Variants in HDAC7 observed in about 807,000 individuals in gnomAD.
The protein encoded by HDAC7 is histone deacetylase 7A.
A neutral mutation model predicts 115.5 loss-of-function variants in HDAC7; 26 were observed. That is an observed-to-expected ratio of 0.23 (90% CI 0.16 to 0.31). HDAC7 has a LOEUF of 0.31. Ranked by LOEUF, HDAC7 falls within the 10% of genes least tolerant of loss-of-function variation. HDAC7 has a pLI of 1.00. For synonymous variants in HDAC7, 564 were observed against 550.9 expected, an observed-to-expected ratio of 1.02 and a Z score of -0.33; for missense variants, 1,068 against 1,329.0, an observed-to-expected ratio of 0.80 and a Z score of 3.05.
At position 47,798,719 on chromosome 12, in the gene HDAC7, G is replaced by A. The variant is rs1316572534; in HGVS notation, c.258+66C>T. On this transcript the variant is annotated intron_variant, in intron 3 of 25. Coordinates refer to ENST00000080059, the MANE Select transcript of HDAC7 (RefSeq NM_015401.5). This position sits in a 1 kb window ranked among gnomAD's most constrained non-coding sequence, Gnocchi z 4.3. ...AGGACTGAGACTGGTGTCTAGGGAT[G>A]CTGAAGGCGGGGAGGCTGGGGACCA... 6.4e-7 allele frequency: 1 copy of A among 1,564,604 alleles called. No homozygotes were observed. Among genetic ancestry groups the A allele is most frequent in the Non-Finnish European group, 8.7e-7 (1 of 1,152,946 alleles).
intron 16 of HDAC7, chr12:47,790,314 T>G (rs1173334026): frequency 4.6e-6 from 1 of 215,498 alleles, no homozygotes; most frequent in Non-Finnish European, 9.7e-6. Flanking sequence ...ACCACTGTCT[T>G]CCACTCAGGG....
chr12:47,815,893 ATTTTTTT>A (rs34394540), intron 1 of HDAC7, among the ~76,000 whole-genome samples: 1 of 118,294 alleles, frequency 8.5e-6, no homozygotes, highest in African/African-American at 3.3e-5. Flanking sequence ...TCCAGCCAGG[ATTTTTTT>A]TTTTTTTTTT....
chr12:47,807,176 G>A (rs1944442247), intron 1 of HDAC7, among the ~76,000 whole-genome samples: 1 of 152,146 alleles, frequency 6.6e-6, no homozygotes, highest in African/African-American at 2.4e-5. Flanking sequence ...CTGTCCTCAG[G>A]TGATTTGCCT....
rs184397565 is a variant in HDAC7 at position 47,790,500 on chromosome 12, A to C, written c.1984-580T>G. On this transcript the variant is annotated intron_variant, in intron 16 of 25. Coordinates refer to ENST00000080059, the MANE Select transcript of HDAC7 (RefSeq NM_015401.5). ...GAGAGAGAGAGAAAGACAGAGAGGGAGAGGAGGGAGGAGAAAACAGAAGCA... is the reference window on the plus strand; with the variant it reads ...GAGAGAGAGAGAAAGACAGAGAGGGCGAGGAGGGAGGAGAAAACAGAAGCA... The C allele has an allele frequency of 1.5e-3, 236 of 156,380 alleles. 2 individuals carry two copies. The highest frequency in any genetic ancestry group is 5.1e-3 in the African/African-American group (213 of 41,576). The allele number at this position is 156,380 out of a possible 1,614,324, so 9.7% of individuals were successfully genotyped here. A position where few individuals can be genotyped will look rare whatever the true frequency, so the allele number is the denominator to read the frequency against.
At chr12:47,800,568 C>T (rs1037860758) in intron 2 of HDAC7, among the ~76,000 whole-genome samples, 6 of 152,172 alleles carry the variant, frequency 3.9e-5, no homozygotes, top group African/African-American at 1.4e-4. Context: ...GTTCACATTG[C>T]CTCCCAAGAA....
rs1389982937 is a variant in HDAC7, at chr12:47,798,214, C to T, written c.355G>A (p.Val119Ile). ...LHKDKSKRSA[V>I]ASSVVKQKLA... ...TTCTGCTTGACCACGCTGCTGGCTA[C>T]AGCACCTGTAGGGGCAGAGTCAGGA... Residue 119 changes from valine (V) to isoleucine (I), a missense_variant, in exon 5 of 26, where the codon GTA becomes ATA. Around this residue, in one of 6 missense-constraint regions of HDAC7, gnomAD observed 161 missense variants for 158.5 expected, o/e 1.02. Coordinates refer to ENST00000080059, the MANE Select transcript of HDAC7 (RefSeq NM_015401.5). This position sits in a 1 kb window ranked among gnomAD's most constrained non-coding sequence, Gnocchi z 4.3. 14 of 1,613,228 alleles carry T rather than the reference C, an allele frequency of 8.7e-6. No homozygotes were observed. The highest frequency in any genetic ancestry group is 2.7e-5 in the African/African-American group (2 of 74,940).
At chr12:47,787,247 C>G (rs975001776) in intron 21 of HDAC7, among the ~76,000 whole-genome samples, 3 of 139,910 alleles carry the variant, frequency 2.1e-5, no homozygotes, top group African/African-American at 8.0e-5. Context: ...AGGCCCCCCC[C>G]CAGCTGCCTT....
chr12:47,785,710 C>T (rs1943140462), intron 23 of HDAC7, 42 bp downstream of exon 23: 2 of 1,578,916 alleles, frequency 1.3e-6, no homozygotes, highest in Non-Finnish European at 1.7e-6. Context: ...GCCGGGCTTA[C>T]CTGCCTGACA....
Position 47,798,850 on chromosome 12 carries a change from G to C in HDAC7, c.193C>G (p.Gln65Glu). Reference sequence around the variant, plus strand: ...AGGAAGAGGTGGTGGTGCAGGCGCTGGGGACGCTGCAGGGCCAGCAATGTG... The same window carrying C: ...AGGAAGAGGTGGTGGTGCAGGCGCTCGGGACGCTGCAGGGCCAGCAATGTG... ...EPTLLALQRP[Q>E]RLHHHLFLAG... The change falls in exon 3 of 26, where the codon CAG becomes GAG. Residue 65 changes from glutamine to glutamate, a missense_variant. Coordinates refer to ENST00000080059, the MANE Select transcript of HDAC7 (RefSeq NM_015401.5). This position sits in a 1 kb window ranked among gnomAD's most constrained non-coding sequence, Gnocchi z 4.3. 6.4e-7 allele frequency: 1 copy of C among 1,559,698 alleles called. No homozygotes were observed. The highest frequency in any genetic ancestry group is 8.7e-7 in the Non-Finnish European group (1 of 1,151,786).
intron 7 of HDAC7, 54 bp from the exon 8 acceptor site, chr12:47,796,352 G>A (rs1943841467): frequency 1.4e-6 from 2 of 1,385,406 alleles, no homozygotes; most frequent in Non-Finnish European, 2.0e-6. Context: ...GGGCAGGAGG[G>A]TACAGCCAGG....
In HDAC7 at chr12:47,797,509, G is replaced by C; in HGVS notation, c.462-10C>G. 1 of 1,596,186 alleles carries C rather than the reference G, an allele frequency of 6.3e-7. No individual in the cohort carries two copies. Among genetic ancestry groups the C allele is most frequent in the East Asian group, 2.2e-5 (1 of 44,816 alleles). ...CAGGGGCTCCAGGGTTCTACAGAACGAGTGCCAAGGCTGCTTCAGAGGTGT... is the reference window on the plus strand; with the variant it reads ...CAGGGGCTCCAGGGTTCTACAGAACCAGTGCCAAGGCTGCTTCAGAGGTGT... On this transcript the variant is annotated splice_polypyrimidine_tract_variant and intron_variant, in intron 5 of 25. Transcript: ENST00000080059. The surrounding 1 kb of genome is among the most constrained non-coding windows in gnomAD (Gnocchi z 5.5).
Position 47,798,455 on chromosome 12 carries a change from G to C in HDAC7, c.349+107C>G. ...CAAGCAGAGGGAAAGCCTCGGCTCA[G>C]GCCCAGCTGGCTGCGGCCCTCCCAC... On this transcript the variant is annotated intron_variant, in intron 4 of 25. Coordinates refer to ENST00000080059, the MANE Select transcript of HDAC7 (RefSeq NM_015401.5). This position sits in a 1 kb window ranked among gnomAD's most constrained non-coding sequence, Gnocchi z 4.3. The C allele has an allele frequency of 9.8e-7, 1 of 1,023,498 alleles. No individual in the cohort carries two copies. Among genetic ancestry groups the C allele is most frequent in the Non-Finnish European group, 1.5e-6 (1 of 668,370 alleles). 63.4% of individuals were successfully genotyped at this position (1,023,498 alleles called of 1,614,324 possible).
rs375231622 is a variant in HDAC7 at position 47,792,265 on chromosome 12, C to G, written c.1679-261G>C. 1.5e-4 allele frequency: 79 copies of G among 531,868 alleles called. No individual in the cohort carries two copies. In the East Asian group the frequency reaches 2.2e-3, roughly 15 times the overall value. The allele number at this position is 531,868 out of a possible 1,614,324, so 32.9% of individuals were successfully genotyped here. On this transcript the variant is annotated intron_variant, in intron 13 of 25. Transcript: ENST00000080059. ...ACAGCTCCAGCCAACATGGCTGCCA[C>G]AGAGCCACGGCCTTCCCACATGCGG... is the stretch of plus-strand genomic sequence containing the variant.
chr12:47,819,797 G>C lies in HDAC7; in HGVS notation c.-12C>G. ...CCGGGGCTGTGCATCCAGGGGCCGG[G>C]GCCCTCAGAGCGGGGGGCTCATGGC... On this transcript the variant is annotated 5_prime_UTR_variant, in exon 1 of 26. Transcript: ENST00000080059. The C allele has an allele frequency of 1.9e-6, 1 of 524,242 alleles. No individual in the cohort carries two copies. Among genetic ancestry groups the C allele is most frequent in the Non-Finnish European group, 2.5e-6 (1 of 395,224 alleles). The allele number at this position is 524,242 out of a possible 1,614,324, so 32.5% of individuals were successfully genotyped here.
chr12:47,814,751 GTTCACA>G (rs1256444640), intron 1 of HDAC7, among the ~76,000 whole-genome samples: 1 of 152,226 alleles, frequency 6.6e-6, no homozygotes, highest in Admixed American at 6.5e-5. Context: ...CATCCAGGGA[GTTCACA>G]AGCACGGCTC....
chr12:47,789,449 G>A, intron 18 of HDAC7, 74 bp downstream of exon 18: 1 of 1,582,250 alleles, frequency 6.3e-7, no homozygotes, highest in Non-Finnish European at 8.7e-7. Flanking sequence ...GGGAAGAAGA[G>A]AGAATGTCCC....
Position 47,798,812 on chromosome 12 carries a change from C to T in HDAC7, c.231G>A (p.Gln77=). 6.4e-7 allele frequency: 1 copy of T among 1,558,520 alleles called. No individual in the cohort carries two copies. Residue 77 remains glutamine, a synonymous_variant, in exon 3 of 26, where the codon CAG becomes CAA. Coordinates refer to ENST00000080059, the MANE Select transcript of HDAC7 (RefSeq NM_015401.5). The surrounding 1 kb of genome is among the most constrained non-coding windows in gnomAD (Gnocchi z 4.3). ...LHHHLFLAGL[Q]QQRSVEPMRL... Reference sequence around the variant, plus strand: ...TCATGGGCTCCACCGAGCGCTGCTGCTGCAGGCCTGCTAGGAAGAGGTGGT... The same window carrying T: ...TCATGGGCTCCACCGAGCGCTGCTGTTGCAGGCCTGCTAGGAAGAGGTGGT...
rs781548503 is a variant in HDAC7 at position 47,798,061 on chromosome 12, G to C, written c.461+47C>G. 7.4e-7 allele frequency: 1 copy of C among 1,351,928 alleles called. No homozygotes were observed. The highest frequency in any genetic ancestry group is 1.2e-5 in the South Asian group (1 of 85,864). The allele number at this position is 1,351,928 out of a possible 1,614,324, so 83.7% of individuals were successfully genotyped here. On this transcript the variant is annotated intron_variant, in intron 5 of 25. Transcript: ENST00000080059. The surrounding 1 kb of genome is among the most constrained non-coding windows in gnomAD (Gnocchi z 4.3). ...GCTCATGGCTAACACGGGGGCGGGGGTGGAGGGTGCATGTGGGGACAGGAG... is the reference window on the plus strand; with the variant it reads ...GCTCATGGCTAACACGGGGGCGGGGCTGGAGGGTGCATGTGGGGACAGGAG...
At position 47,815,917 on chromosome 12, in the gene HDAC7, A is replaced by T. The variant is rs141417653; in HGVS notation, c.19+3850T>A. 8.0e-3 allele frequency among the ~76,000 whole-genome samples: 1,005 copies of T among 126,266 alleles called. 18 individuals are homozygous for T. The highest frequency in any genetic ancestry group is 0.029 in the African/African-American group (967 of 33,478). 82.8% of individuals were successfully genotyped at this position (126,266 alleles called of 152,430 possible). A position where few individuals can be genotyped will look rare whatever the true frequency, so the allele number is the denominator to read the frequency against. On this transcript the variant is annotated intron_variant, in intron 1 of 25. Coordinates refer to ENST00000080059, the MANE Select transcript of HDAC7 (RefSeq NM_015401.5). ...GATTTTTTTTTTTTTTTTTTTTTAC[A>T]GAGTCTTGCTGTCACCCAGGCTGGA...
Sources: allele counts gnomAD v4.1 joint callset (sites outside exome capture counted in the v4.1 genomes callset), GRCh38; gene constraint gnomAD v4.1.1; regional missense constraint gnomAD v4.1.1; non-coding constraint Gnocchi (gnomAD v3.1); transcripts MANE v1.5; gene names NCBI Gene and HGNC (gene_info 2026-07-23, HGNC 2026-07-21).